PPM1H: variants seen among roughly 807,000 people sequenced by gnomAD.
The protein encoded by PPM1H is protein phosphatase, Mg2+/Mn2+ dependent 1H.
A neutral mutation model predicts 54.9 loss-of-function variants in PPM1H; 27 were observed. The observed-to-expected ratio is 0.49, with a 90% confidence interval of 0.36 to 0.68. The LOEUF (loss-of-function observed/expected upper bound fraction) is 0.68. PPM1H is among the 30% of genes least tolerant of loss of function. The probability of loss-of-function intolerance (pLI) is 0.00; values close to 1 mark genes in which losing one functional copy is unlikely to be tolerated. For missense variants in PPM1H, 596 were observed against 667.8 expected (o/e 0.89, Z 1.19); for synonymous variants, 305 against 270.8 (o/e 1.13, Z -1.24).
chr12:62,910,668 G>A (rs1213025876), intron 1 of PPM1H, among the ~76,000 whole-genome samples: 1 of 152,152 alleles, frequency 6.6e-6, no homozygotes, highest in Non-Finnish European at 1.5e-5. Context: ...ATTAGCTGAC[G>A]AAGGAAGGGC....
chr12:62,670,127 G>GCA (rs1444590851), intron 8 of PPM1H, among the ~76,000 whole-genome samples: 4 of 151,658 alleles, frequency 2.6e-5, no homozygotes, highest in African/African-American at 9.7e-5. Context: ...ACAGGCATGT[G>GCA]CCACCACGCC....
At chr12:62,745,081 G>A (rs2076402639) in intron 4 of PPM1H, among the ~76,000 whole-genome samples, 2 of 152,024 alleles carry the variant, frequency 1.3e-5, no homozygotes, top group South Asian at 4.1e-4. Context: ...CTTTCTGTTT[G>A]GTTCATTGTC....
intron 4 of PPM1H, among the ~76,000 whole-genome samples, chr12:62,762,076 G>C (rs1298230855): frequency 6.6e-6 from 1 of 152,216 alleles, no homozygotes; most frequent in East Asian, 1.9e-4. Flanking sequence ...AACAACTTGG[G>C]AGTCCCTGTT....
chr12:62,811,636 G>A (rs2076836017), intron 2 of PPM1H, among the ~76,000 whole-genome samples: 1 of 152,106 alleles, frequency 6.6e-6, no homozygotes, highest in Non-Finnish European at 1.5e-5. Flanking sequence ...TGAATCATGG[G>A]GGTGGTCACC....
chr12:62,703,374 G>GC (rs1161397049), intron 6 of PPM1H, among the ~76,000 whole-genome samples: 17 of 148,568 alleles, frequency 1.1e-4, no homozygotes, highest in African/African-American at 4.0e-4. Context: ...CATAAAAGGA[G>GC]CCCTTTTTTT....
intron 1 of PPM1H, among the ~76,000 whole-genome samples, chr12:62,925,786 T>G (rs1592674081): frequency 6.6e-6 from 1 of 152,314 alleles, no homozygotes; most frequent in East Asian, 1.9e-4. Context: ...GGGGCAGTTT[T>G]GAATTCCTAG....
chr12:62,864,588 AC>A (rs1441213910), intron 1 of PPM1H, among the ~76,000 whole-genome samples: 2 of 152,228 alleles, frequency 1.3e-5, no homozygotes. Context: ...ATATATGAAA[AC>A]TTTTTTAATA....
chr12:62,865,108 C>T (rs1869728493), intron 1 of PPM1H, among the ~76,000 whole-genome samples: 1 of 152,176 alleles, frequency 6.6e-6, no homozygotes, highest in Non-Finnish European at 1.5e-5. Context: ...TCCTTTTGCT[C>T]ATTCTCTCCA....
chr12:62,887,878 T>C (rs1201647075), intron 1 of PPM1H, among the ~76,000 whole-genome samples: 1 of 152,064 alleles, frequency 6.6e-6, no homozygotes, highest in Non-Finnish European at 1.5e-5. Flanking sequence ...AGGTCTGAAG[T>C]GGAGGCAAGT....
chr12:62,722,927 G>T (rs1362391249), intron 5 of PPM1H, among the ~76,000 whole-genome samples: 1 of 152,212 alleles, frequency 6.6e-6, no homozygotes, highest in African/African-American at 2.4e-5. Flanking sequence ...TACGTACACA[G>T]ATGCTCCTCT....
intron 3 of PPM1H, among the ~76,000 whole-genome samples, chr12:62,793,740 C>CAAAAAAAAAAAAAAAAAAAA (rs34457644): frequency 1.1e-4 from 7 of 61,224 alleles, no homozygotes; most frequent in African/African-American, 2.3e-4. Flanking sequence ...AACTCCGTTT[C>CAAAAAAAAAAAAAAAAAAAA]AAAAAAAAAA....
At chr12:62,761,649 T>TA (rs144769953) in intron 4 of PPM1H, among the ~76,000 whole-genome samples, 31 of 151,916 alleles carry the variant, frequency 2.0e-4, no homozygotes, top group African/African-American at 6.8e-4. Context: ...CATTTCCCCA[T>TA]AAAAAAAGGG....
chr12:62,659,995 T>C lies in PPM1H; in HGVS notation c.1397+7183A>G, dbSNP rs532316518. Among the ~76,000 whole-genome samples the C allele has an allele frequency of 6.1e-4, 93 of 152,184 alleles. 1 individual carries two copies. The highest frequency in any genetic ancestry group is 2.1e-4 in the Non-Finnish European group (14 of 68,022). On this transcript the variant is annotated intron_variant, in intron 9 of 9. Coordinates refer to ENST00000228705, the MANE Select transcript of PPM1H (RefSeq NM_020700.2). ...GGCAAACGTGTAGTCCCAGGCTACA[T>C]ATGGAGAAATAGGAACTCTCTGGCC...
chr12:62,789,826 A>G (rs2076693483), intron 3 of PPM1H, among the ~76,000 whole-genome samples: 1 of 152,238 alleles, frequency 6.6e-6, no homozygotes. Flanking sequence ...AAAATAGACC[A>G]ACACTGGCAT....
chr12:62,770,439 A>G (rs987683898), intron 4 of PPM1H, among the ~76,000 whole-genome samples: 1 of 152,166 alleles, frequency 6.6e-6, no homozygotes, highest in African/African-American at 2.4e-5. Context: ...TGTGCTATTA[A>G]TCAGTATATA....
At chr12:62,648,889 CT>C (rs1286704296) in intron 9 of PPM1H, among the ~76,000 whole-genome samples, 5 of 152,184 alleles carry the variant, frequency 3.3e-5, no homozygotes, top group African/African-American at 1.2e-4. Context: ...CCTCAGTCCT[CT>C]TTTGATGTTT....
intron 1 of PPM1H, among the ~76,000 whole-genome samples, chr12:62,870,415 C>A (rs1300029697): frequency 6.6e-6 from 1 of 151,998 alleles, no homozygotes; most frequent in Non-Finnish European, 1.5e-5. Flanking sequence ...GAGAGGCTGA[C>A]TGTAGGTAGG....
intron 3 of PPM1H, chr12:62,788,608 A>C: frequency 3.0e-6 from 1 of 328,460 alleles, no homozygotes; most frequent in Non-Finnish European, 5.6e-6. Context: ...ATAAAATGTA[A>C]GTTGTATTCA....
chr12:62,750,293 T>C (rs1373918713), intron 4 of PPM1H, among the ~76,000 whole-genome samples: 1 of 152,234 alleles, frequency 6.6e-6, no homozygotes, highest in Non-Finnish European at 1.5e-5. Context: ...TCTCCTTCGT[T>C]CTAAGCCCTT....
Sources: allele counts gnomAD v4.1 joint callset (sites outside exome capture counted in the v4.1 genomes callset), GRCh38; gene constraint gnomAD v4.1.1; transcripts MANE v1.5; gene names NCBI Gene and HGNC (gene_info 2026-07-23, HGNC 2026-07-21).